TASOR2: variants seen among roughly 807,000 people sequenced by gnomAD.
TASOR2 encodes transcription activation suppressor family member 2.
Under a neutral mutation model 199.5 loss-of-function variants are expected in TASOR2, and 84 were observed. The observed-to-expected ratio is 0.42, with a 90% CI of 0.35 to 0.50. The LOEUF (loss-of-function observed/expected upper bound fraction) is 0.50. Among genes scored for constraint, TASOR2 ranks in the 20% least tolerant of loss-of-function variants. TASOR2 has a pLI of 0.02. For synonymous variants in TASOR2, 1,103 were observed against 1,046.6 expected (o/e 1.05, Z -1.04); for missense variants, 2,796 against 2,835.9 (o/e 0.99, Z 0.32).
intron 18 of TASOR2, among the ~76,000 whole-genome samples, chr10:5,760,682 G>GA (rs1305091521): frequency 6.6e-6 from 1 of 152,138 alleles, no homozygotes; most frequent in Non-Finnish European, 1.5e-5. Context: ...ATTTATACAG[G>GA]AAAAAGTGAA....
chr10:5,700,971 C>CTT (rs71388465), intron 1 of TASOR2, among the ~76,000 whole-genome samples: 81 of 149,478 alleles, frequency 5.4e-4, no homozygotes, highest in Non-Finnish European at 9.5e-4. Context: ...TGTGCAGAAG[C>CTT]TTTTTTTTTA....
intron 8 of TASOR2, among the ~76,000 whole-genome samples, chr10:5,725,403 A>G: frequency 9.8e-6 from 1 of 102,364 alleles, no homozygotes; most frequent in East Asian, 3.0e-4. Context: ...AAAAAAAAAA[A>G]AAAAAAAAAA....
chr10:5,694,929 A>G (rs1450926694), intron 1 of TASOR2, among the ~76,000 whole-genome samples: 4 of 152,012 alleles, frequency 2.6e-5, no homozygotes, highest in Non-Finnish European at 5.9e-5. Context: ...GCCCTAATTG[A>G]TCTGTTATTA....
chr10:5,746,090 A>G, intron 14 of TASOR2, 89 bp from the exon 16 acceptor site: 1 of 1,351,794 alleles, frequency 7.4e-7, no homozygotes, highest in South Asian at 1.8e-5. Context: ...ATTAATTTTT[A>G]TCTTTTCTGT....
In TASOR2 at chr10:5,742,681, A is replaced by G. The variant is rs1369372386; in HGVS notation, c.2757+155A>G. On this transcript the variant is annotated intron_variant, in intron 14 of 20. Transcript: ENST00000328090. The surrounding 1 kb of genome is among the most constrained non-coding windows in gnomAD (Gnocchi z 4.2). ...CTATTACACCAAAAACCTAGTTTTC[A>G]TGAAGTGTCCTTGAATTGTCTGCAG... 1.3e-5 allele frequency among the ~76,000 whole-genome samples: 2 copies of G among 152,192 alleles called. No homozygotes were observed. The highest frequency in any genetic ancestry group is 2.9e-5 in the Non-Finnish European group (2 of 68,042).
At chr10:5,697,137 CA>C (rs1837261454) in intron 1 of TASOR2, among the ~76,000 whole-genome samples, 1 of 152,072 alleles carries the variant, frequency 6.6e-6, no homozygotes, top group Non-Finnish European at 1.5e-5. Context: ...CAGAAACAAA[CA>C]AAAAATAAAC....
Position 5,722,590 on chromosome 10 carries a change from G to A in TASOR2, c.147-1087G>A, listed in dbSNP as rs932476181. Among the ~76,000 whole-genome samples the A allele has an allele frequency of 6.6e-6, 1 of 152,146 alleles. No individual in the cohort carries two copies. The highest frequency in any genetic ancestry group is 1.5e-5 in the Non-Finnish European group (1 of 68,012). ...ATGCGTGTGTATAGAGAGAGAGAATGACAAAGCAAACATGGTATACTGTTA... is the reference window on the plus strand; with the variant it reads ...ATGCGTGTGTATAGAGAGAGAGAATAACAAAGCAAACATGGTATACTGTTA... On this transcript the variant is annotated intron_variant, in intron 6 of 20. Coordinates refer to ENST00000328090, the Ensembl canonical transcript of TASOR2. This position sits in a 1 kb window ranked among gnomAD's most constrained non-coding sequence, Gnocchi z 4.0.
At chr10:5,695,612 C>T (rs778277580) in intron 1 of TASOR2, among the ~76,000 whole-genome samples, 7 of 151,972 alleles carry the variant, frequency 4.6e-5, no homozygotes, top group Non-Finnish European at 1.0e-4. Context: ...CACTTTTAGT[C>T]TAACATGTTC....
chr10:5,713,524 T>G (rs1423567247), intron 2 of TASOR2, among the ~76,000 whole-genome samples: 4 of 152,144 alleles, frequency 2.6e-5, no homozygotes, highest in Non-Finnish European at 1.5e-5. Flanking sequence ...AGGTTAATGG[T>G]TTATAAAGAA....
intron 1 of TASOR2, among the ~76,000 whole-genome samples, chr10:5,700,727 T>A (rs1837719498): frequency 6.6e-6 from 1 of 152,172 alleles, no homozygotes; most frequent in African/African-American, 2.4e-5. Context: ...TTTTTATGTC[T>A]TCTTTTGAAA....
chr10:5,734,098 C>T (rs1835227193), intron 11 of TASOR2, among the ~76,000 whole-genome samples: 1 of 152,112 alleles, frequency 6.6e-6, no homozygotes, highest in South Asian at 2.1e-4. Context: ...GTAGCGTCTT[C>T]TGTATAATGT....
intron 19 of TASOR2, among the ~76,000 whole-genome samples, chr10:5,762,195 G>A (rs941785873): frequency 2.3e-5 from 3 of 133,198 alleles, no homozygotes; most frequent in East Asian, 4.4e-4. Flanking sequence ...GCTGCAGTGA[G>A]CCGTCATCAC....
rs1349776164 is a variant in TASOR2, at chr10:5,708,626, CCCTTCCTCCCTT to C, written c.-287-4189_-287-4178del. Reference sequence around the variant, plus strand: ...TTCCTTCCTCCCTCCCTCCCTCCCTCCCTTCCTCCCTTCCTTCCTTCCTTCCTTCCTTTCCTT... The same window carrying C: ...TTCCTTCCTCCCTCCCTCCCTCCCTCCCTTCCTTCCTTCCTTCCTTTCCTT... On this transcript the variant is annotated intron_variant, in intron 1 of 20. Transcript: ENST00000328090. 4.0e-3 allele frequency among the ~76,000 whole-genome samples: 79 copies of C among 19,970 alleles called. 1 individual carries two copies. The highest frequency in any genetic ancestry group is 0.036 in the Middle Eastern group (2 of 56). The allele number at this position is 19,970 out of a possible 152,430, so 13.1% of individuals were successfully genotyped here.
rs533897483 is a variant in TASOR2 at position 5,738,661 on chromosome 10, C to T, written c.1448-957C>T. 6.6e-6 allele frequency among the ~76,000 whole-genome samples: 1 copy of T among 152,318 alleles called. No individual in the cohort carries two copies. Among genetic ancestry groups the T allele is most frequent in the African/African-American group, 2.4e-5 (1 of 41,568 alleles). Reference sequence around the variant, plus strand: ...CTGTCTTCTCTTTAAATGTGTTACTCATTGGCCTTGGCTGGCAGGTTGTTA... The same window carrying T: ...CTGTCTTCTCTTTAAATGTGTTACTTATTGGCCTTGGCTGGCAGGTTGTTA... On this transcript the variant is annotated intron_variant, in intron 12 of 20. Transcript: ENST00000328090. This position sits in a 1 kb window ranked among gnomAD's most constrained non-coding sequence, Gnocchi z 4.7.
intron 2 of TASOR2, chr10:5,714,469 G>C: frequency 3.5e-6 from 1 of 285,438 alleles, no homozygotes; most frequent in Non-Finnish European, 6.4e-6. Context: ...ATAGAAAATA[G>C]AGCTGACCGA....
rs1044729815 is a variant in TASOR2, at chr10:5,738,036, C to T, written c.1448-1582C>T. On this transcript the variant is annotated intron_variant, in intron 12 of 20. Transcript: ENST00000328090. The surrounding 1 kb of genome is among the most constrained non-coding windows in gnomAD (Gnocchi z 4.7). ...ATTTTACTTCTTATACTTAAAATAT[C>T]AACGTTTAAGAAGGCAGATGAAACA... Among the ~76,000 whole-genome samples the T allele has an allele frequency of 5.3e-5, 8 of 152,150 alleles. No homozygotes were observed. The South Asian group carries it at 1.4e-3, about 28-fold the overall frequency.
intron 1 of TASOR2, among the ~76,000 whole-genome samples, chr10:5,693,918 G>T (rs897881414): frequency 1.3e-5 from 2 of 152,224 alleles, no homozygotes; most frequent in South Asian, 4.1e-4. Context: ...CTTACATTCT[G>T]CTGGGGAAAA....
At chr10:5,733,876 G>A (rs771013275) in intron 11 of TASOR2, among the ~76,000 whole-genome samples, 3 of 152,090 alleles carry the variant, frequency 2.0e-5, no homozygotes, top group African/African-American at 4.8e-5. Flanking sequence ...CGCTGCTTTA[G>A]TACTTATTAA....
In TASOR2 at chr10:5,754,105, G is replaced by C. The variant is rs1429571934; in HGVS notation, c.6607-2508G>C. ...GGATCACCTGAAGTCAGGAGTTGGA[G>C]ACCAGCCTAGCCAATATAGTGAAAC... On this transcript the variant is annotated intron_variant, in intron 15 of 20. Transcript: ENST00000328090. The surrounding 1 kb of genome is among the most constrained non-coding windows in gnomAD (Gnocchi z 4.3). Among the ~76,000 whole-genome samples, 1 of 152,080 alleles carries C rather than the reference G, an allele frequency of 6.6e-6. No individual in the cohort carries two copies. Among genetic ancestry groups the C allele is most frequent in the Non-Finnish European group, 1.5e-5 (1 of 68,008 alleles).
Sources: allele counts gnomAD v4.1 joint callset (sites outside exome capture counted in the v4.1 genomes callset), GRCh38; gene constraint gnomAD v4.1.1; non-coding constraint Gnocchi (gnomAD v3.1); transcripts MANE v1.5; gene names NCBI Gene and HGNC (gene_info 2026-07-23, HGNC 2026-07-21).